The following SCFD2 variants were observed in gnomAD, a reference collection of about 807,000 sequenced individuals.
SCFD2 encodes the protein sec1 family domain containing 2.
SCFD2 carries 54 observed loss-of-function variants against 58.9 expected under a neutral mutation model. That is an observed-to-expected ratio of 0.92 (90% CI 0.74 to 1.15). The LOEUF (loss-of-function observed/expected upper bound fraction) is 1.15. SCFD2 is among the 50% of genes most tolerant of loss of function. The pLI, the probability that SCFD2 is intolerant of heterozygous loss-of-function variation, is 0.00. For synonymous variants in SCFD2, 321 were observed against 335.9 expected (o/e 0.96, Z 0.49); for missense variants, 805 against 836.6 (o/e 0.96, Z 0.47).
rs186666674 is a variant in SCFD2, at chr4:53,265,776, G to T, written c.1311+8050C>A. 7.9e-5 allele frequency among the ~76,000 whole-genome samples: 12 copies of T among 152,076 alleles called. No homozygotes were observed. In the East Asian group the frequency reaches 2.3e-3, roughly 29 times the overall value. On this transcript the variant is annotated intron_variant, in intron 4 of 8. Transcript: ENST00000401642. ...TATTTATTTATTTATTTGAGACAGGGTCACCCAGGCTGGAATGCAGTGACG... is the reference window on the plus strand; with the variant it reads ...TATTTATTTATTTATTTGAGACAGGTTCACCCAGGCTGGAATGCAGTGACG...
intron 4 of SCFD2, among the ~76,000 whole-genome samples, chr4:53,234,915 T>A (rs910505933): frequency 6.6e-6 from 1 of 152,152 alleles, no homozygotes; most frequent in Admixed American, 6.5e-5. Flanking sequence ...TCACACAAAG[T>A]GAAAATAGGT....
chr4:53,360,793 A>G (rs1734528038), intron 1 of SCFD2, among the ~76,000 whole-genome samples: 1 of 152,240 alleles, frequency 6.6e-6, no homozygotes, highest in Non-Finnish European at 1.5e-5. Flanking sequence ...GAATACCTCA[A>G]GTAACTTTTG....
intron 1 of SCFD2, among the ~76,000 whole-genome samples, chr4:53,352,988 G>A (rs1255925206): frequency 2.6e-5 from 4 of 152,170 alleles, no homozygotes; most frequent in Non-Finnish European, 4.4e-5. Context: ...CAGAACTCAT[G>A]TCTGCTGTGG....
intron 5 of SCFD2, among the ~76,000 whole-genome samples, chr4:52,925,415 T>G (rs2109490712): frequency 6.6e-6 from 1 of 151,696 alleles, no homozygotes; most frequent in South Asian, 2.1e-4. Flanking sequence ...ACCAAAGAGA[T>G]GCTAAAATGG....
chr4:53,040,239 C>A (rs1722863103), intron 5 of SCFD2, among the ~76,000 whole-genome samples: 1 of 152,114 alleles, frequency 6.6e-6, no homozygotes, highest in Non-Finnish European at 1.5e-5. Context: ...AGCAATATAT[C>A]TTTATCTGAG....
intron 5 of SCFD2, among the ~76,000 whole-genome samples, chr4:53,120,091 A>G (rs1725436943): frequency 1.3e-5 from 2 of 152,212 alleles, no homozygotes; most frequent in African/African-American, 2.4e-5. Flanking sequence ...TTTACAGTCT[A>G]GTGACAAAAG....
rs1577892734 is a variant in SCFD2, at chr4:53,248,060, G to A, written c.1311+25766C>T. ...CCAGACAGTGGGCGCAGGTCAGTGG[G>A]TGCAGCGCACCATGCGCCACCCGAA... On this transcript the variant is annotated intron_variant, in intron 4 of 8. Transcript: ENST00000401642. 2.0e-5 allele frequency among the ~76,000 whole-genome samples: 3 copies of A among 152,274 alleles called. No homozygotes were observed. The South Asian group carries it at 6.2e-4, about 32-fold the overall frequency.
intron 5 of SCFD2, among the ~76,000 whole-genome samples, chr4:53,123,998 A>G (rs1375256521): frequency 6.6e-6 from 1 of 152,196 alleles, no homozygotes; most frequent in African/African-American, 2.4e-5. Flanking sequence ...GTCCCATACT[A>G]GGAAGCAAGA....
intron 1 of SCFD2, among the ~76,000 whole-genome samples, chr4:53,356,715 A>G (rs986772648): frequency 6.8e-6 from 1 of 147,858 alleles, no homozygotes; most frequent in African/African-American, 2.5e-5. Flanking sequence ...GTGAGTCACC[A>G]CACCCAACTT....
chr4:53,076,394 C>A (rs1026735458), intron 5 of SCFD2, among the ~76,000 whole-genome samples: 1 of 152,074 alleles, frequency 6.6e-6, no homozygotes, highest in Non-Finnish European at 1.5e-5. Flanking sequence ...AAGAGCGGAC[C>A]CATCTGCTAT....
At chr4:53,341,172 AT>A (rs1434717411) in intron 2 of SCFD2, among the ~76,000 whole-genome samples, 1 of 152,222 alleles carries the variant, frequency 6.6e-6, no homozygotes, top group Non-Finnish European at 1.5e-5. Context: ...CTAAAGGAGG[AT>A]GTTCGAAACC....
At chr4:53,253,385 C>T (rs1205101770) in intron 4 of SCFD2, among the ~76,000 whole-genome samples, 5 of 152,104 alleles carry the variant, frequency 3.3e-5, no homozygotes, top group African/African-American at 9.7e-5. Flanking sequence ...CATCCCATTA[C>T]TGGGTATATA....
At position 53,354,598 on chromosome 4, in the gene SCFD2, C is replaced by T. The variant is rs181104576; in HGVS notation, c.839-1832G>A. Among the ~76,000 whole-genome samples the T allele has an allele frequency of 7.2e-5, 11 of 152,262 alleles. No homozygotes were observed. The East Asian group carries it at 1.9e-3, about 27-fold the overall frequency. On this transcript the variant is annotated intron_variant, in intron 1 of 8. Transcript: ENST00000401642. ...ACCGAGGCCGAGGAGGCACTGAGAG[C>T]GAGCAAGGGCTGCTAACACTTTGTC...
At chr4:52,903,465 T>C (rs1403340167) in intron 7 of SCFD2, among the ~76,000 whole-genome samples, 1 of 152,138 alleles carries the variant, frequency 6.6e-6, no homozygotes, top group Non-Finnish European at 1.5e-5. Flanking sequence ...TTAAGGGCAG[T>C]AGTTGGAAAG....
At chr4:53,253,202 C>T (rs1037767321) in intron 4 of SCFD2, among the ~76,000 whole-genome samples, 2 of 152,208 alleles carry the variant, frequency 1.3e-5, no homozygotes, top group African/African-American at 4.8e-5. Flanking sequence ...CTATCTCCCA[C>T]CAGTTAGAAT....
chr4:52,981,178 TGAG>T (rs1721368482), intron 5 of SCFD2, among the ~76,000 whole-genome samples: 1 of 152,168 alleles, frequency 6.6e-6, no homozygotes, highest in South Asian at 2.1e-4. Context: ...GTGCTGCTGA[TGAG>T]AATAGTATAA....
chr4:53,199,504 C>A (rs995448989), intron 4 of SCFD2, among the ~76,000 whole-genome samples: 4 of 152,214 alleles, frequency 2.6e-5, no homozygotes, highest in Non-Finnish European at 5.9e-5. Flanking sequence ...TCATAACTAG[C>A]TCTTTTTGAT....
chr4:53,055,430 G>A (rs1723309786), intron 5 of SCFD2, among the ~76,000 whole-genome samples: 1 of 152,138 alleles, frequency 6.6e-6, no homozygotes. Flanking sequence ...TTCACAGCTG[G>A]AGAGCTACCC....
chr4:53,278,368 A>G (rs1440543264), intron 3 of SCFD2, among the ~76,000 whole-genome samples: 1 of 148,424 alleles, frequency 6.7e-6, no homozygotes, highest in African/African-American at 2.5e-5. Context: ...TAAAAAAAAA[A>G]AAAAAGAAAA....
Sources: allele counts gnomAD v4.1 joint callset (sites outside exome capture counted in the v4.1 genomes callset), GRCh38; gene constraint gnomAD v4.1.1; transcripts MANE v1.5; gene names NCBI Gene and HGNC (gene_info 2026-07-23, HGNC 2026-07-21).